MECOM: variants seen among roughly 807,000 people sequenced by gnomAD.
MECOM encodes histone-lysine N-methyltransferase MECOM.
A neutral mutation model predicts 116.3 loss-of-function variants in MECOM; 13 were observed. That is an observed-to-expected ratio of 0.11 (90% CI 0.07 to 0.18). The LOEUF is 0.18. MECOM is among the 10% of genes least tolerant of loss of function. The pLI, the probability that MECOM is intolerant of heterozygous loss-of-function variation, is 1.00. For synonymous variants in MECOM, 528 were observed against 535.2 expected, an observed-to-expected ratio of 0.99 and a Z score of 0.19; for missense variants, 1,299 against 1,509.0, an observed-to-expected ratio of 0.86 and a Z score of 2.31.
At chr3:169,450,530 A>C (rs1054406526) in intron 1 of MECOM, among the ~76,000 whole-genome samples, 5 of 152,032 alleles carry the variant, frequency 3.3e-5, no homozygotes, top group African/African-American at 1.2e-4. Flanking sequence ...CCCTAAGAAA[A>C]ACCTTTTCCA....
intron 5 of MECOM, among the ~76,000 whole-genome samples, chr3:169,124,378 G>A (rs747378603): frequency 1.1e-4 from 17 of 152,044 alleles, no homozygotes; most frequent in Non-Finnish European, 5.9e-5. Flanking sequence ...GAGACAGAAA[G>A]AGACAGAGAG....
rs1720745987 is a variant in MECOM, at chr3:169,094,126, G to A, written c.3019+950C>T. On this transcript the variant is annotated intron_variant, in intron 13 of 16. Coordinates refer to ENST00000651503, the MANE Select transcript of MECOM (RefSeq NM_004991.4). ...GATCATTAAATTGCTGACTTTGAGG[G>A]AGACGAACAGTATATACTTTTAAGT... 2.0e-5 allele frequency among the ~76,000 whole-genome samples: 3 copies of A among 152,094 alleles called. No individual in the cohort carries two copies. In the South Asian group the frequency reaches 6.2e-4, roughly 32 times the overall value.
At chr3:169,633,050 A>T (rs1182300729) in intron 1 of MECOM, among the ~76,000 whole-genome samples, 2 of 152,198 alleles carry the variant, frequency 1.3e-5, no homozygotes, top group African/African-American at 4.8e-5. Flanking sequence ...CCCTGTGATA[A>T]CCTGGGGACT....
intron 2 of MECOM, among the ~76,000 whole-genome samples, chr3:169,205,421 CA>C (rs1749787335): frequency 6.6e-6 from 1 of 152,246 alleles, no homozygotes; most frequent in Admixed American, 6.5e-5. Context: ...TCCAGATGTA[CA>C]GAATACTAAT....
At chr3:169,634,552 C>T (rs765244461) in intron 1 of MECOM, among the ~76,000 whole-genome samples, 1 of 152,160 alleles carries the variant, frequency 6.6e-6, no homozygotes, top group African/African-American at 2.4e-5. Flanking sequence ...GGCAGAAGGG[C>T]CCCAGCTCCA....
chr3:169,156,408 C>T (rs999178591), intron 2 of MECOM, among the ~76,000 whole-genome samples: 4 of 151,860 alleles, frequency 2.6e-5, no homozygotes, highest in African/African-American at 7.3e-5. Flanking sequence ...ATAAATATTC[C>T]CCATACATAT....
intron 2 of MECOM, among the ~76,000 whole-genome samples, chr3:169,193,374 C>G (rs1424589458): frequency 6.6e-6 from 1 of 151,996 alleles, no homozygotes; most frequent in African/African-American, 2.4e-5. Context: ...TTGAACATCA[C>G]TGGAATTCGG....
chr3:169,263,076 GCTATATAT>G (rs1456467765), intron 2 of MECOM, among the ~76,000 whole-genome samples: 15 of 31,728 alleles, frequency 4.7e-4, no homozygotes, highest in African/African-American at 1.3e-3. Flanking sequence ...TTTTCAAGAT[GCTATATAT>G]ATATATATAT....
intron 3 of MECOM, 127 bp downstream of exon 3, chr3:169,143,571 A>C: frequency 8.5e-6 from 7 of 823,762 alleles, no homozygotes; most frequent in Non-Finnish European, 8.6e-6. Flanking sequence ...ATATTTGTGC[A>C]TTATCTTTCA....
At chr3:169,460,016 G>A (rs1747167579) in intron 1 of MECOM, among the ~76,000 whole-genome samples, 1 of 152,106 alleles carries the variant, frequency 6.6e-6, no homozygotes. Flanking sequence ...AAAGAAGTAA[G>A]AGCCCAATTT....
At chr3:169,108,544 A>T (rs1726211207) in intron 9 of MECOM, among the ~76,000 whole-genome samples, 1 of 152,202 alleles carries the variant, frequency 6.6e-6, no homozygotes. Context: ...TCACTGGGAA[A>T]ACCTTCAGTG....
chr3:169,104,486 G>A (rs910060713), intron 10 of MECOM, among the ~76,000 whole-genome samples: 8 of 152,120 alleles, frequency 5.3e-5, no homozygotes, highest in Admixed American at 1.3e-4. Context: ...ACAAGCATGG[G>A]TAAGGGTCAT....
chr3:169,447,617 T>C (rs1744875409), intron 1 of MECOM, among the ~76,000 whole-genome samples: 1 of 152,170 alleles, frequency 6.6e-6, no homozygotes, highest in African/African-American at 2.4e-5. Context: ...AAGGAATCCA[T>C]AGTGGGAAGC....
intron 2 of MECOM, chr3:169,146,555 A>G (rs1740000554): frequency 2.2e-6 from 3 of 1,376,882 alleles, no homozygotes; most frequent in Non-Finnish European, 2.9e-6. Context: ...CGCCCGGCTT[A>G]GCAACGTAGA....
chr3:169,663,641 C>A lies in MECOM; in HGVS notation c.-269G>T. ...CTCTCCCTTTCTCTCAATCCACACT[C>A]GCTATCTCTCCAGCATTGTCAGTTT... On this transcript the variant is annotated 5_prime_UTR_variant, in exon 1 of 17. Transcript: ENST00000651503. 1 of 549,976 alleles carries A rather than the reference C, an allele frequency of 1.8e-6. No individual in the cohort carries two copies. The highest frequency in any genetic ancestry group is 3.2e-6 in the Non-Finnish European group (1 of 309,056). 34.1% of individuals were successfully genotyped at this position (549,976 alleles called of 1,614,324 possible). A position where few individuals can be genotyped will look rare whatever the true frequency, so the allele number is the denominator to read the frequency against.
At chr3:169,396,131 C>T (rs896804992) in intron 1 of MECOM, among the ~76,000 whole-genome samples, 3 of 152,112 alleles carry the variant, frequency 2.0e-5, no homozygotes, top group South Asian at 2.1e-4. Flanking sequence ...AATCATTTTT[C>T]ATAACATCTG....
intron 1 of MECOM, among the ~76,000 whole-genome samples, chr3:169,433,768 T>C (rs973406829): frequency 6.6e-6 from 1 of 152,212 alleles, no homozygotes; most frequent in African/African-American, 2.4e-5. Context: ...TGAAAAATCA[T>C]CTAGAGTGCT....
chr3:169,484,228 A>G, intron 1 of MECOM: 2 of 550,274 alleles, frequency 3.6e-6, no homozygotes, highest in Non-Finnish European at 6.4e-6. Context: ...TGTTTATAAC[A>G]GAAAGAAAGG....
intron 1 of MECOM, among the ~76,000 whole-genome samples, chr3:169,629,548 C>T (rs961686443): frequency 1.3e-5 from 2 of 152,126 alleles, no homozygotes; most frequent in African/African-American, 4.8e-5. Context: ...ACTCCCCAGC[C>T]GAGAGCTCCT....
Sources: gnomAD v4.1 joint callset for allele counts (sites outside exome capture counted in the v4.1 genomes callset) on GRCh38, gnomAD v4.1.1 for gene constraint, MANE v1.5 for transcripts, NCBI Gene and HGNC (gene_info 2026-07-23, HGNC 2026-07-21) for gene names.